The following ZNF232 variants were observed in gnomAD, a reference collection of about 807,000 sequenced individuals.
ZNF232 encodes zinc finger and SCAN domain-containing protein 11.
In ZNF232, 25 loss-of-function variants were observed where a neutral mutation model predicts 25.2. That is an observed-to-expected ratio of 0.99 (90% CI 0.72 to 1.39). The LOEUF (loss-of-function observed/expected upper bound fraction) is 1.39. Ranked by LOEUF, ZNF232 falls within the 40% of genes most tolerant of loss-of-function variation. The pLI is 0.00. For missense variants in ZNF232, 519 were observed against 520.9 expected, an observed-to-expected ratio of 1.00 and a Z score of 0.04; for synonymous variants, 193 against 182.9, an observed-to-expected ratio of 1.06 and a Z score of -0.45.
At chr17:5,109,203 A>T (rs2072333474) in intron 2 of ZNF232, 151 bp from the exon 3 acceptor site, 2 of 1,282,786 alleles carry the variant, frequency 1.6e-6, no homozygotes, top group Non-Finnish European at 2.2e-6. Flanking sequence ...AGCACAAGGG[A>T]AGAAGAGGAG....
At chr17:5,117,878 A>G (rs952149536) in intron 1 of ZNF232, among the ~76,000 whole-genome samples, 1 of 152,080 alleles carries the variant, frequency 6.6e-6, no homozygotes, top group African/African-American at 2.4e-5. Flanking sequence ...GCAGATCACC[A>G]GGAGTTTAAG....
upstream of ZNF232, among the ~76,000 whole-genome samples, chr17:5,113,008 G>GA (rs2072455359): frequency 6.6e-6 from 1 of 152,166 alleles, no homozygotes; most frequent in Non-Finnish European, 1.5e-5. Context: ...AATTTTGCAG[G>GA]ATATTGATTG....
chr17:5,106,367 T>G, exon 4 of ZNF232: 1 of 1,614,270 alleles, frequency 6.2e-7, no homozygotes, highest in Non-Finnish European at 8.5e-7. Flanking sequence ...GCTGCAGTTC[T>G]AAGGTACCCT....
chr17:5,105,875 T>C (rs754588611), exon 4 of ZNF232: 1 of 1,613,734 alleles, frequency 6.2e-7, no homozygotes, highest in Non-Finnish European at 8.5e-7. Context: ...TAATGAGCTC[T>C]GAGCACCATC....
exon 4 of ZNF232, chr17:5,106,427 C>A (rs752151759): frequency 1.2e-6 from 2 of 1,614,242 alleles, no homozygotes; most frequent in Non-Finnish European, 1.7e-6. Flanking sequence ...TTTCTGAGAA[C>A]ACCTGTGATT....
At position 5,105,828 on chromosome 17, in the gene ZNF232, T is replaced by C. The variant is rs201089180; in HGVS notation, c.1304A>G (p.His435Arg). The C allele has an allele frequency of 3.2e-6, 5 of 1,578,182 alleles. No homozygotes were observed. Among genetic ancestry groups the C allele is most frequent in the East Asian group, 4.5e-5 (2 of 44,536 alleles). Residue 435 changes from histidine (H) to arginine (R), a missense_variant, in exon 4 of 4, where the codon CAT (histidine) becomes CGT (arginine). Physicochemically the swap from His to Arg is conservative, Grantham distance 29. Coordinates refer to ENST00000575898, the Ensembl canonical transcript of ZNF232. ...GGAGACGTTCTCCCCTTCAATTCAA[T>C]GGGAAGGCTCTTTTCTGGCATGAAC...
Position 5,109,651 on chromosome 17 carries a change from G to C in ZNF232, c.241C>G (p.Arg81Gly), listed in dbSNP as rs199538285. Residue 81 changes from arginine (R) to glycine (G), a missense_variant, in exon 2 of 4, where the codon CGC (arginine) becomes GGC (glycine). Transcript: ENST00000575898. ...TCCTGGTAGCGGAGATGCCTGAAGC[G>C]TTGGCGGAAGATCTCTTGACTGGTA... 3.7e-6 allele frequency: 6 copies of C among 1,614,100 alleles called. No individual in the cohort carries two copies. The highest frequency in any genetic ancestry group is 5.1e-6 in the Non-Finnish European group (6 of 1,180,042).
chr17:5,109,276 A>T (rs2072336122), intron 2 of ZNF232, 118 bp downstream of exon 2: 2 of 1,313,550 alleles, frequency 1.5e-6, no homozygotes, highest in Non-Finnish European at 2.2e-6. Flanking sequence ...ACACATACTA[A>T]CTGCTCTACC....
chr17:5,109,487 G>C, exon 2 of ZNF232: 1 of 1,614,184 alleles, frequency 6.2e-7, no homozygotes. Flanking sequence ...CCCAGGATTG[G>C]AGCTCCTCAG....
exon 4 of ZNF232, chr17:5,106,077 C>T: frequency 6.2e-7 from 1 of 1,614,218 alleles, no homozygotes; most frequent in Non-Finnish European, 8.5e-7. Context: ...ACATTCATTA[C>T]ATTCGAAGGG....
chr17:5,122,255 G>C (rs1327893338), intron 1 of ZNF232, among the ~76,000 whole-genome samples: 1 of 152,122 alleles, frequency 6.6e-6, no homozygotes, highest in Non-Finnish European at 1.5e-5. Flanking sequence ...TCAGGACTCA[G>C]TAAGTGTGGG....
At chr17:5,109,718 T>C (rs1567757820) in exon 2 of ZNF232, 6 of 1,613,976 alleles carry the variant, frequency 3.7e-6, no homozygotes, top group East Asian at 2.2e-5. Flanking sequence ...CACAAGACTG[T>C]TCCTCTTCCT....
At chr17:5,120,115 C>T (rs2072618700) in intron 1 of ZNF232, among the ~76,000 whole-genome samples, 1 of 152,190 alleles carries the variant, frequency 6.6e-6, no homozygotes, top group Non-Finnish European at 1.5e-5. Flanking sequence ...GAAGCCTACT[C>T]CCCAAGAAGC....
intron 1 of ZNF232, among the ~76,000 whole-genome samples, chr17:5,118,460 G>T (rs1256004703): frequency 6.6e-6 from 1 of 152,276 alleles, no homozygotes; most frequent in African/African-American, 2.4e-5. Flanking sequence ...TGCTGCCCAA[G>T]TGGGGGTGCC....
intron 1 of ZNF232, chr17:5,122,842 T>A (rs1345070826): frequency 2.0e-5 from 3 of 152,256 alleles, no homozygotes; most frequent in Non-Finnish European, 4.4e-5. Context: ...CTTAGAGGTC[T>A]GTGGCCCCGC....
intron 1 of ZNF232, among the ~76,000 whole-genome samples, chr17:5,118,018 G>A (rs930522579): frequency 7.3e-5 from 11 of 150,428 alleles, no homozygotes; most frequent in African/African-American, 1.7e-4. Context: ...GAAGTGGGCC[G>A]AGATCATGCC....
chr17:5,113,328 T>G (rs200394576), upstream of ZNF232: 1 of 152,258 alleles, frequency 6.6e-6, no homozygotes, highest in African/African-American at 2.4e-5. Flanking sequence ...TTGTCTTATT[T>G]AGTCTTCACA....
intron 1 of ZNF232, among the ~76,000 whole-genome samples, chr17:5,117,629 GA>G (rs1248028365): frequency 6.6e-6 from 1 of 152,176 alleles, no homozygotes; most frequent in African/African-American, 2.4e-5. Flanking sequence ...AAGTTAGTGG[GA>G]AATCACTGTG....
chr17:5,106,101 T>C, exon 4 of ZNF232: 1 of 1,614,236 alleles, frequency 6.2e-7, no homozygotes, highest in Non-Finnish European at 8.5e-7. Context: ...CTCTCCTGTA[T>C]GAATTCTCTG....
Sources: allele counts gnomAD v4.1 joint callset (sites outside exome capture counted in the v4.1 genomes callset), GRCh38; gene constraint gnomAD v4.1.1; transcripts MANE v1.5; gene names NCBI Gene and HGNC (gene_info 2026-07-23, HGNC 2026-07-21).